The following ELOVL6 variants were observed in gnomAD, a reference collection of about 807,000 sequenced individuals.
The protein encoded by ELOVL6 is very long chain fatty acid elongase 6.
A neutral mutation model predicts 31.7 loss-of-function variants in ELOVL6; 8 were observed. The ratio of observed to expected loss-of-function variants is 0.25; its 90% CI spans 0.15 to 0.45. The LOEUF (loss-of-function observed/expected upper bound fraction) is 0.45. Among genes scored for constraint, ELOVL6 ranks in the 20% least tolerant of loss-of-function variants. The pLI is 1.00. For missense variants in ELOVL6, 126 were observed against 326.4 expected (o/e 0.39, Z 4.73); for synonymous variants, 101 against 117.7 (o/e 0.86, Z 0.92).
At chr4:110,127,420 A>AAG (rs1553959436) in intron 1 of ELOVL6, among the ~76,000 whole-genome samples, 7 of 150,646 alleles carry the variant, frequency 4.6e-5, no homozygotes, top group African/African-American at 1.7e-4. Context: ...AAAAAAAAAA[A>AAG]AAAAAGAAAA....
chr4:110,147,051 T>C (rs1267847996), intron 1 of ELOVL6: 1 of 150,306 alleles, frequency 6.7e-6, no homozygotes, highest in Non-Finnish European at 1.5e-5. Context: ...TCTCTGGTCA[T>C]TAAACATATC....
At chr4:110,065,523 C>G (rs958379553) in intron 2 of ELOVL6, among the ~76,000 whole-genome samples, 3 of 152,152 alleles carry the variant, frequency 2.0e-5, no homozygotes, top group African/African-American at 7.2e-5. Context: ...ATTTGGGAGG[C>G]TGAGGTGAAA....
intron 2 of ELOVL6, among the ~76,000 whole-genome samples, chr4:110,079,107 A>C (rs944584530): frequency 1.7e-4 from 26 of 151,536 alleles, no homozygotes; most frequent in African/African-American, 5.6e-4. Flanking sequence ...TTAGAGACCT[A>C]CAAAGAGACT....
chr4:110,113,171 C>T (rs1757083407), intron 1 of ELOVL6, among the ~76,000 whole-genome samples: 1 of 147,384 alleles, frequency 6.8e-6, no homozygotes, highest in African/African-American at 2.5e-5. Context: ...TAGGCTGCAG[C>T]GAGCCAGGAT....
chr4:110,167,246 G>A (rs79729186), intron 1 of ELOVL6, among the ~76,000 whole-genome samples: 5,366 of 152,206 alleles, frequency 0.035, 317 homozygotes, highest in African/African-American at 0.12. Context: ...AAATGTAATC[G>A]CTATTAGAGT....
At chr4:110,181,043 CG>C (rs1317249648) in intron 1 of ELOVL6, among the ~76,000 whole-genome samples, 1 of 151,230 alleles carries the variant, frequency 6.6e-6, no homozygotes, top group Non-Finnish European at 1.5e-5. Context: ...GAGGCTGAGG[CG>C]GAAGGATTGC....
intron 1 of ELOVL6, among the ~76,000 whole-genome samples, chr4:110,109,516 G>A (rs1433018344): frequency 2.6e-5 from 4 of 152,130 alleles, no homozygotes; most frequent in African/African-American, 9.7e-5. Flanking sequence ...TCTATCCTTA[G>A]AAATCTGAAT....
chr4:110,164,844 A>T (rs907915329), intron 1 of ELOVL6, among the ~76,000 whole-genome samples: 3 of 151,662 alleles, frequency 2.0e-5, no homozygotes, highest in African/African-American at 7.3e-5. Context: ...GTTTTGGGGA[A>T]TTTCTTTTTT....
intron 1 of ELOVL6, among the ~76,000 whole-genome samples, chr4:110,126,801 C>T (rs1035924215): frequency 6.6e-6 from 1 of 152,098 alleles, no homozygotes; most frequent in African/African-American, 2.4e-5. Flanking sequence ...TGAGCTTGAT[C>T]CACTATTTCA....
intron 1 of ELOVL6, among the ~76,000 whole-genome samples, chr4:110,118,325 C>A (rs1373171152): frequency 6.6e-6 from 1 of 152,088 alleles, no homozygotes; most frequent in Admixed American, 6.5e-5. Context: ...TAACTCCACA[C>A]AGAATTCAAA....
chr4:110,151,040 C>T (rs1182343159), intron 1 of ELOVL6, among the ~76,000 whole-genome samples: 1 of 145,460 alleles, frequency 6.9e-6, no homozygotes, highest in African/African-American at 2.5e-5. Flanking sequence ...AAGACTCCGT[C>T]TGAAAAAAAA....
In ELOVL6 at chr4:110,049,964, T is replaced by G. The variant is rs1459312209; in HGVS notation, c.*1374A>C. On this transcript the variant is annotated 3_prime_UTR_variant, in exon 4 of 4. Coordinates refer to ENST00000302274, the MANE Select transcript of ELOVL6 (RefSeq NM_024090.3). The stretch of plus-strand genomic sequence containing the variant: ...GCTAAAGTCCCTTTTAAAACATTTC[T>G]GAAGCTGACTTGAAGCAGGATGAAT... The G allele has an allele frequency of 6.6e-6, 1 of 152,348 alleles. No individual in the cohort carries two copies. The highest frequency in any genetic ancestry group is 1.5e-5 in the Non-Finnish European group (1 of 68,006). 9.4% of individuals were successfully genotyped at this position (152,348 alleles called of 1,614,324 possible).
At chr4:110,158,852 G>A (rs762485248) in intron 1 of ELOVL6, among the ~76,000 whole-genome samples, 14 of 151,412 alleles carry the variant, frequency 9.2e-5, no homozygotes, top group Non-Finnish European at 1.8e-4. Context: ...GTAGAGATGG[G>A]GTTTCGCCAC....
At chr4:110,174,457 C>A (rs917622896) in intron 1 of ELOVL6, among the ~76,000 whole-genome samples, 1 of 152,042 alleles carries the variant, frequency 6.6e-6, no homozygotes, top group Non-Finnish European at 1.5e-5. Flanking sequence ...TGAGCCACTG[C>A]GCCTGGCCTT....
intron 2 of ELOVL6, among the ~76,000 whole-genome samples, chr4:110,072,389 T>C (rs1379122986): frequency 1.3e-5 from 2 of 152,172 alleles, no homozygotes; most frequent in African/African-American, 4.8e-5. Context: ...GGCAGGAGAA[T>C]AGCTTGAACT....
intron 1 of ELOVL6, among the ~76,000 whole-genome samples, chr4:110,127,418 A>AAAAAAG (rs1578501247): frequency 6.6e-6 from 1 of 150,862 alleles, no homozygotes; most frequent in Non-Finnish European, 1.5e-5. Context: ...AAAAAAAAAA[A>AAAAAAG]AAAAAAAGAA....
chr4:110,164,919 A>G (rs1758729252), intron 1 of ELOVL6, among the ~76,000 whole-genome samples: 1 of 149,962 alleles, frequency 6.7e-6, no homozygotes, highest in Admixed American at 6.7e-5. Context: ...GCTCACTACA[A>G]CCTCTGCCCC....
intron 2 of ELOVL6, among the ~76,000 whole-genome samples, chr4:110,101,821 C>T (rs183012261): frequency 6.6e-6 from 1 of 151,974 alleles, no homozygotes; most frequent in Non-Finnish European, 1.5e-5. Flanking sequence ...ACTACAGGTG[C>T]GTGACACCAT....
Position 110,162,308 on chromosome 4 carries a change from T to G in ELOVL6, c.89+35939A>C, listed in dbSNP as rs190541463. 1.6e-4 allele frequency among the ~76,000 whole-genome samples: 24 copies of G among 152,304 alleles called. No homozygotes were observed. In the East Asian group the frequency reaches 4.4e-3, roughly 28 times the overall value. ...ATGTAGTGATTTCAAGAGGCTGTGC[T>G]GAACCATTTTGCTGAATATAGACAT... On this transcript the variant is annotated intron_variant, in intron 1 of 3. Transcript: ENST00000302274.
Sources: gnomAD v4.1 joint callset for allele counts (sites outside exome capture counted in the v4.1 genomes callset) on GRCh38, gnomAD v4.1.1 for gene constraint, MANE v1.5 for transcripts, NCBI Gene and HGNC (gene_info 2026-07-23, HGNC 2026-07-21) for gene names.